Variants in HPSE2 observed in about 807,000 individuals in gnomAD.
HPSE2 encodes the protein inactive heparanase-2.
A neutral mutation model predicts 60.5 loss-of-function variants in HPSE2; 38 were observed. The observed-to-expected ratio is 0.63, with a 90% confidence interval of 0.48 to 0.82. The LOEUF (loss-of-function observed/expected upper bound fraction) is 0.82. Among genes scored for constraint, HPSE2 ranks in the 40% least tolerant of loss-of-function variants. The probability of loss-of-function intolerance (pLI) is 0.00; values close to 1 mark genes in which losing one functional copy is unlikely to be tolerated. For missense variants in HPSE2, 713 were observed against 740.4 expected (o/e 0.96, Z 0.43); for synonymous variants, 295 against 293.2 (o/e 1.01, Z -0.06).
chr10:99,246,738 T>A, the HPSE2 span, among the ~76,000 whole-genome samples: 1 of 55,952 alleles, frequency 1.8e-5, no homozygotes, highest in Non-Finnish European at 3.1e-5. Flanking sequence ...AGAGCAAGAC[T>A]CCATCTCAAA....
At chr10:99,290,467 A>G in the HPSE2 span, among the ~76,000 whole-genome samples, 1 of 152,214 alleles carries the variant, frequency 6.6e-6, no homozygotes, top group African/African-American at 2.4e-5. Context: ...CCCAACTGAC[A>G]ACAGAGCAAC....
intron 3 of HPSE2, among the ~76,000 whole-genome samples, chr10:99,035,945 C>T (rs1387164085): frequency 6.6e-6 from 1 of 152,200 alleles, no homozygotes; most frequent in Non-Finnish European, 1.5e-5. Context: ...AGCCTGGTGG[C>T]CTATGCCTGT....
intron 3 of HPSE2, among the ~76,000 whole-genome samples, chr10:98,855,304 C>T (rs540610854): frequency 1.9e-4 from 29 of 152,078 alleles, no homozygotes; most frequent in Admixed American, 1.5e-3. Flanking sequence ...TCACTGGGCA[C>T]GCTTTAAAAT....
intron 3 of HPSE2, among the ~76,000 whole-genome samples, chr10:99,129,373 C>T (rs1221515459): frequency 6.6e-6 from 1 of 152,002 alleles, no homozygotes; most frequent in East Asian, 1.9e-4. Context: ...CCAAGATAGA[C>T]CATATATGTC....
At chr10:99,103,218 G>T (rs1175664228) in intron 3 of HPSE2, among the ~76,000 whole-genome samples, 3 of 152,152 alleles carry the variant, frequency 2.0e-5, no homozygotes, top group African/African-American at 4.8e-5. Flanking sequence ...TGACATGATT[G>T]TATATCTAGA....
At chr10:98,536,047 A>G (rs1589382061) in intron 9 of HPSE2, among the ~76,000 whole-genome samples, 2 of 152,326 alleles carry the variant, frequency 1.3e-5, no homozygotes, top group East Asian at 3.9e-4. Context: ...TATGCAGACA[A>G]AAGATGGGCA....
intron 6 of HPSE2, among the ~76,000 whole-genome samples, chr10:98,648,286 C>T (rs542662663): frequency 6.6e-6 from 1 of 152,246 alleles, no homozygotes; most frequent in Admixed American, 6.5e-5. Flanking sequence ...GAGAGGTGTA[C>T]AGGAAGCTGG....
At chr10:98,746,621 AAGAC>A in intron 3 of HPSE2, among the ~76,000 whole-genome samples, 1 of 152,142 alleles carries the variant, frequency 6.6e-6, no homozygotes, top group South Asian at 2.1e-4. Context: ...AATTTCAAGA[AAGAC>A]AGATAACTAC....
chr10:98,596,374 C>T (rs1157297444), intron 9 of HPSE2, among the ~76,000 whole-genome samples: 2 of 152,012 alleles, frequency 1.3e-5, no homozygotes, highest in Non-Finnish European at 2.9e-5. Context: ...AAATGGTTTA[C>T]ACAACACCAT....
the HPSE2 span, among the ~76,000 whole-genome samples, chr10:99,302,427 G>A: frequency 6.7e-6 from 1 of 150,086 alleles, no homozygotes; most frequent in African/African-American, 2.4e-5. Flanking sequence ...GACGCCAAAA[G>A]GGAGAAATCT....
At chr10:98,826,723 T>C (rs1283405248) in intron 3 of HPSE2, among the ~76,000 whole-genome samples, 1 of 152,200 alleles carries the variant, frequency 6.6e-6, no homozygotes, top group African/African-American at 2.4e-5. Context: ...TCAGTAGACA[T>C]TGTGCTAGCC....
intron 3 of HPSE2, among the ~76,000 whole-genome samples, chr10:98,813,439 T>A (rs1468179378): frequency 6.6e-6 from 1 of 152,164 alleles, no homozygotes; most frequent in Non-Finnish European, 1.5e-5. Context: ...ATTCATAGTC[T>A]CCAAAACATT....
intron 3 of HPSE2, among the ~76,000 whole-genome samples, chr10:99,077,736 G>C (rs969092744): frequency 6.3e-5 from 9 of 141,998 alleles, no homozygotes; most frequent in East Asian, 6.3e-4. Flanking sequence ...GTGTGTGTGT[G>C]TACTACACAC....
chr10:98,899,909 G>A (rs1259817474), intron 3 of HPSE2, among the ~76,000 whole-genome samples: 4 of 151,884 alleles, frequency 2.6e-5, no homozygotes, highest in Non-Finnish European at 5.9e-5. Flanking sequence ...TCAGCTTCCC[G>A]AGTAGCTGGG....
At chr10:99,271,567 C>T in the HPSE2 span, among the ~76,000 whole-genome samples, 16 of 152,074 alleles carry the variant, frequency 1.1e-4, no homozygotes, top group African/African-American at 3.1e-4. Context: ...ATCATCATAC[C>T]GCCAAAAGCA....
At position 98,892,630 on chromosome 10, in the gene HPSE2, T is replaced by C. The variant is rs183281627; in HGVS notation, c.611-148574A>G. ...ATGCTCACAACTGGGCCAGTGGCTT[T>C]TCTACTGAGTTGAATTTCATTCTCA... On this transcript the variant is annotated intron_variant, in intron 3 of 11. Coordinates refer to ENST00000370552, the MANE Select transcript of HPSE2 (RefSeq NM_021828.5). Among the ~76,000 whole-genome samples the C allele has an allele frequency of 6.9e-4, 105 of 152,298 alleles. 1 individual carries two copies. The highest frequency in any genetic ancestry group is 2.5e-3 in the African/African-American group (102 of 41,576).
chr10:99,094,800 G>A (rs112825385), intron 3 of HPSE2, among the ~76,000 whole-genome samples: 2,111 of 151,284 alleles, frequency 0.014, 35 homozygotes, highest in African/African-American at 0.039. Context: ...CTAGTGGTCC[G>A]CCCACCTCAG....
At chr10:99,188,947 T>C (rs1054166324) in intron 2 of HPSE2, among the ~76,000 whole-genome samples, 1 of 152,200 alleles carries the variant, frequency 6.6e-6, no homozygotes, top group Admixed American at 6.5e-5. Context: ...TTCCTCCACA[T>C]GACTTTTTCC....
intron 3 of HPSE2, among the ~76,000 whole-genome samples, chr10:98,840,410 C>T (rs1445989923): frequency 6.6e-6 from 1 of 152,152 alleles, no homozygotes; most frequent in African/African-American, 2.4e-5. Flanking sequence ...ATAAATCTGA[C>T]AGCACAGTGG....
Sources: allele counts gnomAD v4.1 joint callset (sites outside exome capture counted in the v4.1 genomes callset), GRCh38; gene constraint gnomAD v4.1.1; transcripts MANE v1.5; gene names NCBI Gene and HGNC (gene_info 2026-07-23, HGNC 2026-07-21).